Variants in AP3B2 observed in about 807,000 individuals in gnomAD.
The protein encoded by AP3B2 is adaptor related protein complex 3 subunit beta 2.
In AP3B2, 50 loss-of-function variants were observed where a neutral mutation model predicts 126.9. The observed-to-expected ratio is 0.39, with a 90% CI of 0.31 to 0.50. The LOEUF is 0.50. AP3B2 is among the 20% of genes least tolerant of loss of function. AP3B2 has a pLI of 0.79. For synonymous variants in AP3B2, 541 were observed against 565.0 expected (o/e 0.96, Z 0.60); for missense variants, 1,177 against 1,426.4 (o/e 0.83, Z 2.82).
In AP3B2 at chr15:82,664,738, C is replaced by T. The variant is rs532783933; in HGVS notation, c.2137+97G>A. 5.7e-6 allele frequency: 6 copies of T among 1,046,438 alleles called. No individual in the cohort carries two copies. The highest frequency in any genetic ancestry group is 1.4e-6 in the Non-Finnish European group (1 of 712,324). The allele number at this position is 1,046,438 out of a possible 1,614,324, so 64.8% of individuals were successfully genotyped here. ...AAACAATTCACAAGCAGGTGCACAC[C>T]CCTAGACACACAACCATATACATAT... On this transcript the variant is annotated intron_variant, in intron 18 of 26. Coordinates refer to ENST00000535359, the MANE Select transcript of AP3B2 (RefSeq NM_001278512.2). The surrounding 1 kb of genome is among the most constrained non-coding windows in gnomAD (Gnocchi z 4.5).
chr15:82,709,484 G>A (rs1451482065), intron 1 of AP3B2, 110 bp downstream of exon 1: 13 of 692,764 alleles, frequency 1.9e-5, no homozygotes, highest in Non-Finnish European at 1.8e-6. Flanking sequence ...TCCGGTCGGC[G>A]CGGCCGGGGC....
rs1470495722 is a variant in AP3B2 at position 82,681,270 on chromosome 15, CTTA to C, written c.522-95_522-93del. 1 of 1,525,282 alleles carries C rather than the reference CTTA, an allele frequency of 6.6e-7. No individual in the cohort carries two copies. The highest frequency in any genetic ancestry group is 1.4e-5 in the African/African-American group (1 of 72,870). 94.5% of individuals were successfully genotyped at this position (1,525,282 alleles called of 1,614,324 possible). A position where few individuals can be genotyped will look rare whatever the true frequency, so the allele number is the denominator to read the frequency against. ...CCATGCTCACCTCCTGCACCCCAGC[CTTA>C]TTGTTCTCCTCCATCTCTGTCAGTC... On this transcript the variant is annotated intron_variant, in intron 5 of 26. Coordinates refer to ENST00000535359, the MANE Select transcript of AP3B2 (RefSeq NM_001278512.2). This position sits in a 1 kb window ranked among gnomAD's most constrained non-coding sequence, Gnocchi z 4.0.
chr15:82,691,603 T>TA (rs374866615), intron 1 of AP3B2: 31,341 of 604,746 alleles, frequency 0.052, no homozygotes, highest in Middle Eastern at 0.065. Context: ...TTTTCTTCTT[T>TA]AAAAAAAAAA....
intron 1 of AP3B2, among the ~76,000 whole-genome samples, chr15:82,701,705 A>G (rs187731959): frequency 6.6e-6 from 1 of 152,260 alleles, no homozygotes; most frequent in African/African-American, 2.4e-5. Context: ...TGTCAATGAC[A>G]GTTGAATCTA....
At chr15:82,695,141 G>A in intron 1 of AP3B2, among the ~76,000 whole-genome samples, 1 of 144,436 alleles carries the variant, frequency 6.9e-6, no homozygotes, top group East Asian at 2.0e-4. Context: ...CTGTCGCCCA[G>A]GCTGGAGTGG....
chr15:82,683,105 C>A (rs867036429), intron 4 of AP3B2, among the ~76,000 whole-genome samples: 1 of 126,100 alleles, frequency 7.9e-6, no homozygotes. Flanking sequence ...GTCGCCCAGG[C>A]TGGAATGCAG....
Position 82,676,505 on chromosome 15 carries a change from C to T in AP3B2, c.1621G>A (p.Val541Ile), listed in dbSNP as rs1484367958. Residue 541 changes from valine (V) to isoleucine (I), a missense_variant, in exon 14 of 27, where the codon GTC becomes ATC. Coordinates refer to ENST00000535359, the MANE Select transcript of AP3B2 (RefSeq NM_001278512.2). ...TAEEDIVKLQ[V>I]INLAAKLYLT... ...TAGAGCTTGGCTGCCAGGTTGATGA[C>T]CTGCAGCTTGACAATATCCTCCTCT... 7 of 1,613,876 alleles carry T rather than the reference C, an allele frequency of 4.3e-6. No individual in the cohort carries two copies. In the Admixed American group the frequency reaches 1.2e-4, roughly 27 times the overall value.
chr15:82,672,075 A>G (rs2048168538), intron 14 of AP3B2, among the ~76,000 whole-genome samples: 1 of 152,126 alleles, frequency 6.6e-6, no homozygotes. Flanking sequence ...AAATAGTGCT[A>G]CCATATGATC....
chr15:82,671,020 A>G (rs2048148232), intron 14 of AP3B2, among the ~76,000 whole-genome samples: 2 of 152,238 alleles, frequency 1.3e-5, no homozygotes, highest in African/African-American at 4.8e-5. Context: ...CGGGTGGCTC[A>G]TGCCTGTAAT....
At chr15:82,701,935 C>A (rs1246302279) in intron 1 of AP3B2, among the ~76,000 whole-genome samples, 1 of 152,044 alleles carries the variant, frequency 6.6e-6, no homozygotes, top group African/African-American at 2.4e-5. Context: ...TTTGATTTGA[C>A]CTTAATGGGC....
intron 4 of AP3B2, among the ~76,000 whole-genome samples, chr15:82,684,795 AG>A (rs1307518403): frequency 6.6e-6 from 1 of 152,166 alleles, no homozygotes; most frequent in African/African-American, 2.4e-5. Flanking sequence ...CCCAGCCTGG[AG>A]TAGCACTTTT....
intron 21 of AP3B2, 113 bp downstream of exon 21, chr15:82,663,447 T>C (rs2047993158): frequency 1.6e-6 from 2 of 1,250,878 alleles, no homozygotes; most frequent in Admixed American, 3.7e-5. Flanking sequence ...ATGTTCTGTC[T>C]GCTCCCCTGC....
chr15:82,681,410 TG>T lies in AP3B2; in HGVS notation c.521+9del. 3 of 1,613,456 alleles carry T rather than the reference TG, an allele frequency of 1.9e-6. No homozygotes were observed. The highest frequency in any genetic ancestry group is 2.5e-6 in the Non-Finnish European group (3 of 1,179,576). On this transcript the variant is annotated intron_variant, in intron 5 of 26. Transcript: ENST00000535359. The surrounding 1 kb of genome is among the most constrained non-coding windows in gnomAD (Gnocchi z 4.0). ...CCTCCTGGGGAGCGTGGGACAGGGCTGGGGCATACCTGTAGAGTTTAGGGAT... is the reference window on the plus strand; with the variant it reads ...CCTCCTGGGGAGCGTGGGACAGGGCTGGGCATACCTGTAGAGTTTAGGGAT...
chr15:82,700,172 G>A (rs1312517105), intron 1 of AP3B2, among the ~76,000 whole-genome samples: 2 of 152,046 alleles, frequency 1.3e-5, no homozygotes, highest in African/African-American at 4.8e-5. Context: ...AGCCTCCTGA[G>A]AAATCTCATA....
intron 1 of AP3B2, chr15:82,692,252 C>T (rs1018865652): frequency 1.1e-6 from 1 of 934,350 alleles, no homozygotes; most frequent in South Asian, 1.5e-5. Flanking sequence ...CATTCTTAAG[C>T]TTGATCTTGC....
chr15:82,665,231 C>A lies in AP3B2; in HGVS notation c.2028+16G>T. 6.5e-7 allele frequency: 1 copy of A among 1,537,056 alleles called. No individual in the cohort carries two copies. Among genetic ancestry groups the A allele is most frequent in the Admixed American group, 2.0e-5 (1 of 51,062 alleles). On this transcript the variant is annotated intron_variant, in intron 17 of 26. Transcript: ENST00000535359. This position sits in a 1 kb window ranked among gnomAD's most constrained non-coding sequence, Gnocchi z 4.4. ...ACAGGGCAGGGGAGAGAGCACACGT[C>A]ACACGAAGGTGGGACCTCAGTGTAT... is the stretch of plus-strand genomic sequence containing the variant.
intron 4 of AP3B2, among the ~76,000 whole-genome samples, chr15:82,682,758 A>C (rs1219642458): frequency 1.3e-5 from 2 of 151,916 alleles, no homozygotes; most frequent in Non-Finnish European, 1.5e-5. Flanking sequence ...AATATACTGT[A>C]GTCTACTAAG....
Position 82,663,843 on chromosome 15 carries a change from G to A in AP3B2, c.2394C>T (p.Ser798=), listed in dbSNP as rs189447069. 383 of 1,613,870 alleles carry A rather than the reference G, an allele frequency of 2.4e-4. No homozygotes were observed. Among genetic ancestry groups the A allele is most frequent in the African/African-American group, 1.9e-3 (146 of 75,034 alleles). Residue 798 remains serine (S), a synonymous_variant, in exon 20 of 27, where the codon TCC becomes TCT. Transcript: ENST00000535359. ...AGGCAGGTTCTAACTGCTCCTCCTCGGACTCCGATGTCATCTCGGACTCTG... is the reference window on the plus strand; with the variant it reads ...AGGCAGGTTCTAACTGCTCCTCCTCAGACTCCGATGTCATCTCGGACTCTG... ...SSSESEMTSE[S]EEEQLEPASW...
intron 20 of AP3B2, 33 bp downstream of exon 20, chr15:82,663,768 G>A: frequency 2.5e-6 from 4 of 1,602,986 alleles, no homozygotes; most frequent in Non-Finnish European, 3.4e-6. Flanking sequence ...CCTGGCCCAT[G>A]AGCACACCCT....
Sources: allele counts gnomAD v4.1 joint callset (sites outside exome capture counted in the v4.1 genomes callset), GRCh38; gene constraint gnomAD v4.1.1; non-coding constraint Gnocchi (gnomAD v3.1); transcripts MANE v1.5; gene names NCBI Gene and HGNC (gene_info 2026-07-23, HGNC 2026-07-21).